Variants in NFIA observed in about 807,000 individuals in gnomAD.
The protein encoded by NFIA is nuclear factor I A.
In NFIA, 8 loss-of-function variants were observed where a neutral mutation model predicts 62.8. The ratio of observed to expected loss-of-function variants is 0.13; its 90% CI spans 0.07 to 0.23. The LOEUF is 0.23. Among genes scored for constraint, NFIA ranks in the 10% least tolerant of loss-of-function variants. NFIA has a pLI of 1.00. For synonymous variants in NFIA, 235 were observed against 238.1 expected (o/e 0.99, Z 0.12); for missense variants, 410 against 642.1 (o/e 0.64, Z 3.91).
chr1:61,310,560 G>T (rs1347354636), intron 3 of NFIA, among the ~76,000 whole-genome samples: 1 of 152,056 alleles, frequency 6.6e-6, no homozygotes, highest in South Asian at 2.1e-4. Flanking sequence ...GGATAGACCT[G>T]CCTAAGAAAG....
At chr1:61,442,114 G>A (rs752688142) in intron 10 of NFIA, among the ~76,000 whole-genome samples, 1 of 152,124 alleles carries the variant, frequency 6.6e-6, no homozygotes, top group Non-Finnish European at 1.5e-5. Context: ...CTTTGAGTCA[G>A]AAGCAGGCAC....
At chr1:61,227,287 G>A (rs1489441676) in intron 2 of NFIA, among the ~76,000 whole-genome samples, 1 of 152,168 alleles carries the variant, frequency 6.6e-6, no homozygotes, top group Non-Finnish European at 1.5e-5. Context: ...GTTTGGAAAC[G>A]TTTGTTCATT....
intron 3 of NFIA, among the ~76,000 whole-genome samples, chr1:61,286,614 A>G (rs1658519114): frequency 6.6e-6 from 1 of 152,152 alleles, no homozygotes; most frequent in African/African-American, 2.4e-5. Context: ...AGAACCAGGC[A>G]TGTTCTAGGC....
intron 2 of NFIA, among the ~76,000 whole-genome samples, chr1:61,120,984 A>G (rs1557579806): frequency 6.6e-6 from 1 of 152,214 alleles, no homozygotes; most frequent in Non-Finnish European, 1.5e-5. Flanking sequence ...TATCAGGGAC[A>G]GTTTAAAAAA....
intron 3 of NFIA, among the ~76,000 whole-genome samples, chr1:61,298,037 G>T (rs1356412189): frequency 6.6e-6 from 1 of 152,080 alleles, no homozygotes; most frequent in East Asian, 1.9e-4. Context: ...GATACGGTTT[G>T]GCTCTGTGTC....
chr1:61,316,053 A>T (rs899877882), intron 3 of NFIA, among the ~76,000 whole-genome samples: 1 of 152,194 alleles, frequency 6.6e-6, no homozygotes, highest in Admixed American at 6.5e-5. Context: ...ATACGGACTG[A>T]TAAGCCAATC....
At chr1:61,196,302 C>A (rs1241038764) in intron 2 of NFIA, among the ~76,000 whole-genome samples, 1 of 152,146 alleles carries the variant, frequency 6.6e-6, no homozygotes, top group African/African-American at 2.4e-5. Flanking sequence ...AAATTTGCAT[C>A]CTCATGCCCA....
intron 9 of NFIA, among the ~76,000 whole-genome samples, chr1:61,424,595 A>G (rs1375789254): frequency 1.3e-5 from 2 of 152,014 alleles, no homozygotes; most frequent in Non-Finnish European, 2.9e-5. Context: ...CTACCTACCT[A>G]TTCATGTGTG....
In NFIA at chr1:61,437,139, A is replaced by G. The variant is rs373616021; in HGVS notation, c.1512+10583A>G. Among the ~76,000 whole-genome samples, 8 of 152,326 alleles carry G rather than the reference A, an allele frequency of 5.3e-5. No homozygotes were observed. In the East Asian group the frequency reaches 1.2e-3, roughly 22 times the overall value. On this transcript the variant is annotated intron_variant, in intron 10 of 10. Coordinates refer to ENST00000403491, the MANE Select transcript of NFIA (RefSeq NM_001134673.4). ...TGGGAAGCACCCTTTGCTGCCCTCC[A>G]GGGCTGGACTATGCTGCATATCTCC...
chr1:61,329,464 C>A (rs887041552), intron 3 of NFIA, among the ~76,000 whole-genome samples: 1 of 149,666 alleles, frequency 6.7e-6, no homozygotes, highest in Non-Finnish European at 1.5e-5. Flanking sequence ...CTCACTGCAA[C>A]CTCTGCCTCC....
intron 3 of NFIA, among the ~76,000 whole-genome samples, chr1:61,288,046 C>T (rs1168884381): frequency 6.6e-6 from 1 of 152,172 alleles, no homozygotes; most frequent in Non-Finnish European, 1.5e-5. Flanking sequence ...CAATAAACCA[C>T]TTGTGAGGCA....
chr1:61,134,135 A>T (rs1268863690), intron 2 of NFIA, among the ~76,000 whole-genome samples: 3 of 151,962 alleles, frequency 2.0e-5, no homozygotes, highest in Non-Finnish European at 4.4e-5. Context: ...AAGAGGAATA[A>T]TAGTATCTGC....
chr1:61,205,065 A>G (rs1355203131), intron 2 of NFIA, among the ~76,000 whole-genome samples: 1 of 152,182 alleles, frequency 6.6e-6, no homozygotes, highest in Non-Finnish European at 1.5e-5. Context: ...CATTTTCACT[A>G]TCAATTAGGT....
chr1:61,257,189 G>A (rs904196246), intron 2 of NFIA, among the ~76,000 whole-genome samples: 2 of 152,096 alleles, frequency 1.3e-5, no homozygotes, highest in African/African-American at 2.4e-5. Flanking sequence ...GGCAAGAATA[G>A]GTTGTGGGAA....
intron 7 of NFIA, among the ~76,000 whole-genome samples, chr1:61,388,592 T>C (rs900077629): frequency 6.6e-6 from 1 of 152,232 alleles, no homozygotes; most frequent in Non-Finnish European, 1.5e-5. Context: ...ATTTAAATAC[T>C]CTGCACTAAG....
At chr1:61,180,884 A>AGGTT (rs1650715217) in intron 2 of NFIA, among the ~76,000 whole-genome samples, 1 of 152,232 alleles carries the variant, frequency 6.6e-6, no homozygotes, top group Admixed American at 6.5e-5. Flanking sequence ...ACCTCACTAT[A>AGGTT]GTACAGGATT....
chr1:61,455,400 A>G lies in NFIA; in HGVS notation c.*80A>G. 4 of 1,610,166 alleles carry G rather than the reference A, an allele frequency of 2.5e-6. No homozygotes were observed. Among genetic ancestry groups the G allele is most frequent in the Non-Finnish European group, 3.4e-6 (4 of 1,178,482 alleles). ...TGTAACATGGACGCAACCTCAACCC[A>G]GCGCAGTTACAACTTCACTATCAGC... On this transcript the variant is annotated 3_prime_UTR_variant, in exon 11 of 11. Transcript: ENST00000403491.
chr1:61,148,380 A>G (rs1271503446), intron 2 of NFIA, among the ~76,000 whole-genome samples: 1 of 151,804 alleles, frequency 6.6e-6, no homozygotes, highest in Non-Finnish European at 1.5e-5. Context: ...CTCTCACACC[A>G]CCTTCCCTGT....
chr1:61,249,657 T>TGCC (rs1303332057), intron 2 of NFIA, among the ~76,000 whole-genome samples: 1 of 151,944 alleles, frequency 6.6e-6, no homozygotes, highest in Admixed American at 6.6e-5. Flanking sequence ...ATACAAAAAT[T>TGCC]AGCTGGGCGC....
Sources: allele counts gnomAD v4.1 joint callset (sites outside exome capture counted in the v4.1 genomes callset), GRCh38; gene constraint gnomAD v4.1.1; transcripts MANE v1.5; gene names NCBI Gene and HGNC (gene_info 2026-07-23, HGNC 2026-07-21).